Variants in CNTN5 observed in about 807,000 individuals in gnomAD.
CNTN5 encodes contactin-5.
CNTN5 carries 77 observed loss-of-function variants against 129.1 expected under a neutral mutation model. That is an observed-to-expected ratio of 0.60 (90% confidence interval 0.50 to 0.72). The LOEUF is 0.72. Ranked by LOEUF, CNTN5 falls within the 30% of genes least tolerant of loss-of-function variation. The pLI is 0.00. For missense variants in CNTN5, 1,478 were observed against 1,328.8 expected, an observed-to-expected ratio of 1.11 and a Z score of -1.75; for synonymous variants, 509 against 465.6, an observed-to-expected ratio of 1.09 and a Z score of -1.20.
intron 18 of CNTN5, among the ~76,000 whole-genome samples, chr11:100,295,259 C>A (rs1179548804): frequency 6.6e-6 from 1 of 151,398 alleles, no homozygotes; most frequent in Admixed American, 6.6e-5. Context: ...AGTAAGAAAA[C>A]CTCACGGAGC....
chr11:99,584,985 T>C (rs1234310867), intron 3 of CNTN5, among the ~76,000 whole-genome samples: 1 of 152,134 alleles, frequency 6.6e-6, no homozygotes, highest in African/African-American at 2.4e-5. Flanking sequence ...ACTAAAATTT[T>C]TGAAGACTTG....
chr11:99,613,560 G>A (rs1302533591), intron 3 of CNTN5, among the ~76,000 whole-genome samples: 2 of 152,186 alleles, frequency 1.3e-5, no homozygotes, highest in African/African-American at 2.4e-5. Flanking sequence ...CAGGCAAGAA[G>A]CAGGCAATAA....
chr11:99,492,344 A>G (rs1946068100), intron 2 of CNTN5, among the ~76,000 whole-genome samples: 1 of 152,190 alleles, frequency 6.6e-6, no homozygotes, highest in African/African-American at 2.4e-5. Flanking sequence ...CTTACTCCCA[A>G]TCTTCCAATC....
chr11:100,053,090 A>G (rs1335301249), intron 9 of CNTN5, among the ~76,000 whole-genome samples: 1 of 151,732 alleles, frequency 6.6e-6, no homozygotes, highest in East Asian at 1.9e-4. Context: ...AAATCTCTGT[A>G]TTCTGTATAG....
At chr11:99,044,151 C>T (rs771061292) in intron 1 of CNTN5, among the ~76,000 whole-genome samples, 1 of 152,114 alleles carries the variant, frequency 6.6e-6, no homozygotes, top group Non-Finnish European at 1.5e-5. Context: ...AAGATTATTA[C>T]ATGCATGAAA....
At chr11:99,638,049 A>G (rs1355676094) in intron 3 of CNTN5, among the ~76,000 whole-genome samples, 1 of 148,412 alleles carries the variant, frequency 6.7e-6, no homozygotes, top group African/African-American at 2.5e-5. Flanking sequence ...TTGTTTTTAC[A>G]CTGCTGATAA....
At chr11:99,998,610 C>T (rs1027882865) in intron 8 of CNTN5, among the ~76,000 whole-genome samples, 3 of 130,508 alleles carry the variant, frequency 2.3e-5, no homozygotes, top group Non-Finnish European at 1.6e-5. Context: ...AATGCCATCC[C>T]CATCAAGCTA....
chr11:99,249,421 G>A (rs893671893), intron 1 of CNTN5, among the ~76,000 whole-genome samples: 12 of 151,966 alleles, frequency 7.9e-5, no homozygotes, highest in African/African-American at 2.2e-4. Flanking sequence ...TTGATGACAG[G>A]CATAAGTGCT....
intron 13 of CNTN5, among the ~76,000 whole-genome samples, chr11:100,099,562 A>G (rs1945148181): frequency 7.1e-6 from 1 of 141,034 alleles, no homozygotes. Context: ...ATAACTACAC[A>G]AGGCTACCTT....
chr11:99,820,960 C>T (rs551023118), intron 4 of CNTN5, among the ~76,000 whole-genome samples: 96 of 152,256 alleles, frequency 6.3e-4, no homozygotes, highest in African/African-American at 2.2e-3. Flanking sequence ...CAATTGTTGC[C>T]ATGTGCAGCA....
At chr11:99,265,734 A>G (rs1862854076) in intron 1 of CNTN5, among the ~76,000 whole-genome samples, 1 of 152,000 alleles carries the variant, frequency 6.6e-6, no homozygotes, top group Non-Finnish European at 1.5e-5. Flanking sequence ...ATCCATTACA[A>G]CAGTATTACT....
At chr11:99,629,964 T>C (rs939209480) in intron 3 of CNTN5, among the ~76,000 whole-genome samples, 5 of 151,850 alleles carry the variant, frequency 3.3e-5, no homozygotes, top group African/African-American at 9.7e-5. Context: ...CCAATAGATA[T>C]ATCCAAATTA....
intron 2 of CNTN5, among the ~76,000 whole-genome samples, chr11:99,439,311 T>A (rs1301119160): frequency 2.0e-5 from 2 of 99,586 alleles, no homozygotes; most frequent in East Asian, 5.5e-4. Flanking sequence ...TGTGCGTGTG[T>A]GTGTATATAT....
intron 3 of CNTN5, among the ~76,000 whole-genome samples, chr11:99,632,893 T>TG (rs148978996): frequency 0.027 from 4,111 of 152,064 alleles, 171 homozygotes; most frequent in East Asian, 0.19. Flanking sequence ...GGTATCTTCT[T>TG]GGGGGGGTTA....
chr11:99,366,904 A>G (rs1469761312), intron 2 of CNTN5, among the ~76,000 whole-genome samples: 2 of 152,206 alleles, frequency 1.3e-5, no homozygotes, highest in Non-Finnish European at 2.9e-5. Flanking sequence ...CAAATAGCAG[A>G]TTCGGTGCCT....
intron 2 of CNTN5, among the ~76,000 whole-genome samples, chr11:99,495,448 T>C (rs746296655): frequency 5.9e-5 from 9 of 152,224 alleles, no homozygotes; most frequent in Non-Finnish European, 8.8e-5. Context: ...TTATGAGATA[T>C]GGCGCTTTCT....
chr11:99,545,438 C>T (rs1948258457), intron 2 of CNTN5, among the ~76,000 whole-genome samples: 1 of 152,160 alleles, frequency 6.6e-6, no homozygotes, highest in Non-Finnish European at 1.5e-5. Flanking sequence ...AGCATAATTA[C>T]TCTTACTTAA....
intron 7 of CNTN5, among the ~76,000 whole-genome samples, chr11:99,921,727 A>G (rs923415237): frequency 6.6e-6 from 1 of 152,190 alleles, no homozygotes; most frequent in African/African-American, 2.4e-5. Flanking sequence ...TGCCTAGGAC[A>G]GAGTATGAGC....
At chr11:99,258,135 A>G (rs1862462504) in intron 1 of CNTN5, among the ~76,000 whole-genome samples, 1 of 152,080 alleles carries the variant, frequency 6.6e-6, no homozygotes. Context: ...CTTCTCAAAC[A>G]AAAGAGTGTA....
Sources: allele counts gnomAD v4.1 joint callset (sites outside exome capture counted in the v4.1 genomes callset), GRCh38; gene constraint gnomAD v4.1.1; transcripts MANE v1.5; gene names NCBI Gene and HGNC (gene_info 2026-07-23, HGNC 2026-07-21).